Variants in TACC1 observed in about 807,000 individuals in gnomAD.
TACC1 encodes transforming acidic coiled-coil containing protein 1, also known as transforming acidic coiled-coil-containing protein 1.
TACC1 carries 48 observed loss-of-function variants against 84.4 expected under a neutral mutation model. The ratio of observed to expected loss-of-function variants is 0.57; its 90% CI spans 0.45 to 0.72. The LOEUF is 0.72. Ranked by LOEUF, TACC1 falls within the 30% of genes least tolerant of loss-of-function variation. The pLI is 0.00. For synonymous variants in TACC1, 372 were observed against 376.3 expected (o/e 0.99, Z 0.13); for missense variants, 920 against 973.0 (o/e 0.95, Z 0.72).
chr8:38,732,148 GAA>G (rs1805052222), intron 1 of TACC1, among the ~76,000 whole-genome samples: 7 of 134,434 alleles, frequency 5.2e-5, no homozygotes, highest in African/African-American at 2.1e-4. Flanking sequence ...GAAAAGAAAA[GAA>G]AAGAAGAAAG....
chr8:38,814,241 A>G (rs1017905525), intron 2 of TACC1, among the ~76,000 whole-genome samples: 8 of 152,226 alleles, frequency 5.3e-5, no homozygotes, highest in Admixed American at 4.6e-4. Context: ...TTAGGGATGC[A>G]AATGGGTACT....
Position 38,851,834 on chromosome 8 carries a change from T to C in TACC1, c.*3811T>C. Reference sequence around the variant, plus strand: ...ATTTGCTTATGAAAGAACAATATAGTCTGGGAATCCCAGAATGTCAAGCCA... The same window carrying C: ...ATTTGCTTATGAAAGAACAATATAGCCTGGGAATCCCAGAATGTCAAGCCA... On this transcript the variant is annotated 3_prime_UTR_variant, in exon 13 of 13. Transcript: ENST00000317827. 2.3e-6 allele frequency: 1 copy of C among 440,250 alleles called. No homozygotes were observed. Among genetic ancestry groups the C allele is most frequent in the Non-Finnish European group, 4.6e-6 (1 of 218,832 alleles). The allele number at this position is 440,250 out of a possible 1,614,324, so 27.3% of individuals were successfully genotyped here. A position where few individuals can be genotyped will look rare whatever the true frequency, so the allele number is the denominator to read the frequency against.
At chr8:38,752,024 T>C (rs759963352) in intron 3 of TACC1, among the ~76,000 whole-genome samples, 22 of 152,196 alleles carry the variant, frequency 1.4e-4, no homozygotes, top group Non-Finnish European at 3.2e-4. Context: ...GTTCCTAGTA[T>C]CCAACAAATG....
At position 38,766,762 on chromosome 8, in the gene TACC1, G is replaced by A. The variant is rs575404487; in HGVS notation, c.26+21269G>A. On this transcript the variant is annotated intron_variant, in intron 3 of 14. Coordinates refer to the TACC1 transcript ENST00000518415. ...TCTGCATTTTACAGATGAAGAAACT[G>A]AGGCCTGGAAAAGTTGAGAAACTAA... 1.4e-3 allele frequency among the ~76,000 whole-genome samples: 215 copies of A among 152,272 alleles called. 1 individual carries two copies. The highest frequency in any genetic ancestry group is 2.7e-3 in the Non-Finnish European group (186 of 68,026).
chr8:38,820,848 T>C (rs763377201), intron 3 of TACC1, among the ~76,000 whole-genome samples: 30 of 152,160 alleles, frequency 2.0e-4, no homozygotes, highest in Non-Finnish European at 4.0e-4. Context: ...TTGTTGTCTT[T>C]TTTCTGAATC....
upstream of TACC1, chr8:38,785,569 C>T (rs1816978161): frequency 2.3e-6 from 1 of 427,172 alleles, no homozygotes; most frequent in African/African-American, 2.2e-5. Flanking sequence ...CTATGTCAGT[C>T]ACCACAGGGA....
rs1832691041 is a variant in TACC1 at position 38,848,480 on chromosome 8, C to T, written c.*457C>T. On this transcript the variant is annotated 3_prime_UTR_variant, in exon 13 of 13. Coordinates refer to ENST00000317827, the MANE Select transcript of TACC1 (RefSeq NM_006283.3). ...GAGACAGTTTGGCCTATTGTTACTT[C>T]CAATTTATAATCAAGAAGGGGCTCT... 1 of 153,034 alleles carries T rather than the reference C, an allele frequency of 6.5e-6. No individual in the cohort carries two copies. The highest frequency in any genetic ancestry group is 2.1e-4 in the South Asian group (1 of 4,846). 9.5% of individuals were successfully genotyped at this position (153,034 alleles called of 1,614,324 possible).
In TACC1 at chr8:38,819,992, A is replaced by G; in HGVS notation, c.748A>G (p.Thr250Ala). The G allele has an allele frequency of 6.2e-7, 1 of 1,614,056 alleles. No individual in the cohort carries two copies. ...AGCAATTGGAGGAGAGTTCTCAGAC[A>G]CCAACGCTGCTGTGGAGGGCACACC... The part of the protein sequence containing the change: ...KKAIGGEFSD[T>A]NAAVEGTPLP... The change falls in exon 3 of 13, where the codon ACC becomes GCC. Residue 250 changes from threonine to alanine, a missense_variant. Coordinates refer to ENST00000317827, the MANE Select transcript of TACC1 (RefSeq NM_006283.3).
At chr8:38,785,275 G>C (rs1816913684), upstream of TACC1, among the ~76,000 whole-genome samples, 1 of 152,142 alleles carries the variant, frequency 6.6e-6, no homozygotes. Flanking sequence ...CAGTTCCCCA[G>C]GACACTTAGT....
intron 2 of TACC1, among the ~76,000 whole-genome samples, chr8:38,817,206 CCTGT>C (rs1825629098): frequency 6.6e-6 from 1 of 152,172 alleles, no homozygotes; most frequent in Admixed American, 6.5e-5. Context: ...GTACAACTGG[CCTGT>C]CTTTTAACTG....
chr8:38,796,118 G>T (rs921842256), intron 2 of TACC1, among the ~76,000 whole-genome samples: 7 of 152,118 alleles, frequency 4.6e-5, no homozygotes, highest in African/African-American at 1.4e-4. Flanking sequence ...TAGATGTGTT[G>T]GGAACAAGTA....
chr8:38,736,517 G>A (rs1423118079), intron 1 of TACC1, among the ~76,000 whole-genome samples: 6 of 152,168 alleles, frequency 3.9e-5, no homozygotes, highest in Non-Finnish European at 1.5e-5. Context: ...TTGGAAGGCT[G>A]AGGTAGGAGG....
At chr8:38,838,364 A>G (rs1423208249) in intron 7 of TACC1, 106 bp from the exon 8 acceptor site, 4 of 739,276 alleles carry the variant, frequency 5.4e-6, no homozygotes, top group African/African-American at 1.8e-5. Context: ...TATTTCTAAT[A>G]TAGATTGAAC....
chr8:38,835,837 T>G (rs1830113545), intron 6 of TACC1, among the ~76,000 whole-genome samples: 1 of 152,242 alleles, frequency 6.6e-6, no homozygotes, highest in Admixed American at 6.5e-5. Flanking sequence ...AGAAACTTAA[T>G]CATGGGTGTG....
intron 6 of TACC1, among the ~76,000 whole-genome samples, chr8:38,831,964 G>A (rs1031758791): frequency 2.2e-4 from 33 of 152,030 alleles, no homozygotes; most frequent in African/African-American, 7.0e-4. Context: ...GCGCCACCAC[G>A]CCCAGCTAAT....
rs973385436 is a variant in TACC1 at position 38,851,287 on chromosome 8, C to G, written c.*3264C>G. The stretch of plus-strand genomic sequence containing the variant: ...CTTTCCAGCCAGTTACCCTTTCAAC[C>G]TACCCATACTTTGTACAACTCTTAC... On this transcript the variant is annotated 3_prime_UTR_variant, in exon 13 of 13. Coordinates refer to ENST00000317827, the MANE Select transcript of TACC1 (RefSeq NM_006283.3). 6.6e-6 allele frequency: 1 copy of G among 152,194 alleles called. No homozygotes were observed. The highest frequency in any genetic ancestry group is 1.5e-5 in the Non-Finnish European group (1 of 68,044). The allele number at this position is 152,194 out of a possible 1,614,324, so 9.4% of individuals were successfully genotyped here.
chr8:38,791,368 A>G (rs1818613745), intron 2 of TACC1, among the ~76,000 whole-genome samples: 1 of 152,210 alleles, frequency 6.6e-6, no homozygotes, highest in South Asian at 2.1e-4. Flanking sequence ...CAGTCCAGGA[A>G]ACAACCCTGC....
Position 38,752,620 on chromosome 8 carries a change from T to C in TACC1, c.26+7127T>C, listed in dbSNP as rs190447340. Among the ~76,000 whole-genome samples, 43 of 152,330 alleles carry C rather than the reference T, an allele frequency of 2.8e-4. 1 individual carries two copies. The highest frequency in any genetic ancestry group is 3.4e-3 in the Middle Eastern group (1 of 294). On this transcript the variant is annotated intron_variant, in intron 3 of 14. Coordinates refer to the TACC1 transcript ENST00000518415. ...CCCACTTGGACTCCATCACAGGCCATGTGTCCTCTTTGGCTCCAGCTGGTC... is the reference window on the plus strand; with the variant it reads ...CCCACTTGGACTCCATCACAGGCCACGTGTCCTCTTTGGCTCCAGCTGGTC...
intron 1 of TACC1, 127 bp downstream of exon 1, chr8:38,787,870 C>A: frequency 1.1e-6 from 1 of 927,752 alleles, no homozygotes; most frequent in Non-Finnish European, 1.5e-6. Flanking sequence ...CGTCCCTGCC[C>A]GGAGCCGGGT....
Sources: gnomAD v4.1 joint callset for allele counts (sites outside exome capture counted in the v4.1 genomes callset) on GRCh38, gnomAD v4.1.1 for gene constraint, MANE v1.5 for transcripts, NCBI Gene and HGNC (gene_info 2026-07-23, HGNC 2026-07-21) for gene names.